PPARGC1A: variants seen among roughly 807,000 people sequenced by gnomAD.
PPARGC1A encodes peroxisome proliferator-activated receptor gamma coactivator 1-alpha.
In PPARGC1A, 25 loss-of-function variants were observed where a neutral mutation model predicts 88.7. The ratio of observed to expected loss-of-function variants is 0.28; its 90% CI spans 0.21 to 0.39. The LOEUF (loss-of-function observed/expected upper bound fraction) is 0.39. PPARGC1A is among the 10% of genes least tolerant of loss of function. The pLI, the probability that PPARGC1A is intolerant of heterozygous loss-of-function variation, is 1.00. For synonymous variants in PPARGC1A, 363 were observed against 355.6 expected (o/e 1.02, Z -0.24); for missense variants, 880 against 968.7 (o/e 0.91, Z 1.22).
the PPARGC1A span, among the ~76,000 whole-genome samples, chr4:24,228,289 T>A: frequency 3.0e-4 from 45 of 152,250 alleles, no homozygotes; most frequent in African/African-American, 1.0e-3. Context: ...AAAGCCCAGG[T>A]AGGCATAAAA....
the PPARGC1A span, among the ~76,000 whole-genome samples, chr4:24,197,182 G>C: frequency 6.6e-6 from 1 of 152,118 alleles, no homozygotes; most frequent in Non-Finnish European, 1.5e-5. Flanking sequence ...CCCAAGAAGG[G>C]GGGATCAAGG....
chr4:24,033,410 G>C, the PPARGC1A span, among the ~76,000 whole-genome samples: 29 of 150,954 alleles, frequency 1.9e-4, no homozygotes, highest in South Asian at 1.5e-3. Context: ...TAGACAGACA[G>C]ACACACACAC....
At chr4:23,875,549 C>T (rs1005132594) in intron 2 of PPARGC1A, among the ~76,000 whole-genome samples, 4 of 151,668 alleles carry the variant, frequency 2.6e-5, no homozygotes, top group Non-Finnish European at 5.9e-5. Flanking sequence ...GGGACCTTGG[C>T]GGCTCTTATC....
At chr4:23,876,346 C>G (rs1025723974) in intron 2 of PPARGC1A, among the ~76,000 whole-genome samples, 1 of 152,174 alleles carries the variant, frequency 6.6e-6, no homozygotes, top group African/African-American at 2.4e-5. Flanking sequence ...TTACTGTTCT[C>G]TGATTTAGGT....
chr4:24,045,767 C>G, the PPARGC1A span, among the ~76,000 whole-genome samples: 1 of 152,166 alleles, frequency 6.6e-6, no homozygotes, highest in African/African-American at 2.4e-5. Flanking sequence ...GTCACATTCA[C>G]AGGTACTGAG....
chr4:24,142,547 G>A, the PPARGC1A span, among the ~76,000 whole-genome samples: 4 of 152,058 alleles, frequency 2.6e-5, no homozygotes, highest in African/African-American at 9.7e-5. Context: ...CATGGCGGGT[G>A]CCTGTTATCC....
At chr4:24,227,588 G>A in the PPARGC1A span, among the ~76,000 whole-genome samples, 1 of 152,140 alleles carries the variant, frequency 6.6e-6, no homozygotes, top group Admixed American at 6.5e-5. Flanking sequence ...ATCAGTCATG[G>A]TACAGACATA....
the PPARGC1A span, among the ~76,000 whole-genome samples, chr4:24,470,491 C>T: frequency 2.0e-5 from 3 of 152,148 alleles, no homozygotes; most frequent in South Asian, 2.1e-4. This position sits in a 1 kb window ranked among gnomAD's most constrained non-coding sequence, Gnocchi z 5.8. Flanking sequence ...CCACCGGCGC[C>T]GGCCACGGGC....
At chr4:23,822,827 A>G (rs1723238180) in intron 7 of PPARGC1A, among the ~76,000 whole-genome samples, 1 of 152,090 alleles carries the variant, frequency 6.6e-6, no homozygotes, top group Admixed American at 6.6e-5. Context: ...CCAAAGCTCT[A>G]AATCACTTCT....
the PPARGC1A span, among the ~76,000 whole-genome samples, chr4:24,122,434 T>TAGAGAGAG: frequency 7.7e-6 from 1 of 130,112 alleles, no homozygotes; most frequent in East Asian, 2.5e-4. Flanking sequence ...TATATATATA[T>TAGAGAGAG]ATAGAGAGAG....
chr4:23,817,777 G>A (rs772132455), intron 7 of PPARGC1A, among the ~76,000 whole-genome samples: 14 of 152,286 alleles, frequency 9.2e-5, no homozygotes, highest in Non-Finnish European at 2.1e-4. Flanking sequence ...GCAAGATTGA[G>A]AAATCTCACG....
the PPARGC1A span, among the ~76,000 whole-genome samples, chr4:24,143,480 AAAGAG>A: frequency 2.6e-5 from 4 of 152,242 alleles, no homozygotes; most frequent in African/African-American, 9.6e-5. Context: ...AAAGGATCAA[AAAGAG>A]AAGAGCTGAT....
the PPARGC1A span, among the ~76,000 whole-genome samples, chr4:24,351,302 C>A: frequency 6.7e-6 from 1 of 149,560 alleles, no homozygotes; most frequent in African/African-American, 2.5e-5. Flanking sequence ...TTTACTGAAG[C>A]GAGAGGATCA....
chr4:24,275,987 G>A, the PPARGC1A span, among the ~76,000 whole-genome samples: 1 of 152,178 alleles, frequency 6.6e-6, no homozygotes, highest in Admixed American at 6.5e-5. Context: ...AGGAAAACAT[G>A]ACATTTGACA....
At chr4:24,009,207 A>T in the PPARGC1A span, among the ~76,000 whole-genome samples, 1 of 149,842 alleles carries the variant, frequency 6.7e-6, no homozygotes, top group African/African-American at 2.4e-5. Context: ...TCAATTTTAC[A>T]TAATTAATTG....
chr4:23,890,244 A>AAAAG (rs1271890273), upstream of PPARGC1A: 1 of 449,842 alleles, frequency 2.2e-6, no homozygotes, highest in Non-Finnish European at 3.5e-6. Context: ...AAAGAAAAAG[A>AAAAG]AAAGAAAGAA....
chr4:24,293,736 T>C, the PPARGC1A span, among the ~76,000 whole-genome samples: 1 of 150,990 alleles, frequency 6.6e-6, no homozygotes, highest in South Asian at 2.1e-4. Flanking sequence ...CTTTTTAGAA[T>C]AATCTTATTC....
At chr4:24,211,412 A>G in the PPARGC1A span, among the ~76,000 whole-genome samples, 2 of 152,194 alleles carry the variant, frequency 1.3e-5, no homozygotes, top group Non-Finnish European at 2.9e-5. Flanking sequence ...GAGTGCAGCA[A>G]TGAAGGAGCT....
At chr4:24,455,557 T>C in the PPARGC1A span, among the ~76,000 whole-genome samples, 10 of 152,244 alleles carry the variant, frequency 6.6e-5, no homozygotes, top group African/African-American at 2.4e-4. Context: ...ATAACTACTA[T>C]GGTTTGAATG....
Sources: gnomAD v4.1 joint callset for allele counts (sites outside exome capture counted in the v4.1 genomes callset) on GRCh38, gnomAD v4.1.1 for gene constraint, Gnocchi (gnomAD v3.1) non-coding constraint, MANE v1.5 for transcripts, NCBI Gene and HGNC (gene_info 2026-07-23, HGNC 2026-07-21) for gene names.